PCDHAC1: variants seen among roughly 807,000 people sequenced by gnomAD.
PCDHAC1 encodes the protein protocadherin alpha subfamily C, 1, also known as protocadherin alpha-C1.
PCDHAC1 carries 42 observed loss-of-function variants against 60.0 expected under a neutral mutation model. The ratio of observed to expected loss-of-function variants is 0.70; its 90% CI spans 0.55 to 0.90. The LOEUF (loss-of-function observed/expected upper bound fraction) is 0.90. Ranked by LOEUF, PCDHAC1 falls within the 40% of genes least tolerant of loss-of-function variation. PCDHAC1 has a pLI of 0.00. For synonymous variants in PCDHAC1, 468 were observed against 499.3 expected, an observed-to-expected ratio of 0.94 and a Z score of 0.84; for missense variants, 1,160 against 1,222.3, an observed-to-expected ratio of 0.95 and a Z score of 0.76.
At chr5:140,966,172 G>A in intron 1 of PCDHAC1, 1 of 184,672 alleles carries the variant, frequency 5.4e-6, no homozygotes, top group East Asian at 1.4e-4. Context: ...TTTTCCTGGG[G>A]AGCTGATAGC....
At chr5:140,950,073 G>T (rs2094447306) in intron 1 of PCDHAC1, among the ~76,000 whole-genome samples, 1 of 151,672 alleles carries the variant, frequency 6.6e-6, no homozygotes, top group Non-Finnish European at 1.5e-5. Flanking sequence ...CTGTGCCATT[G>T]CTTATGCTAT....
intron 2 of PCDHAC1, among the ~76,000 whole-genome samples, chr5:140,979,895 T>G (rs1460432451): frequency 6.6e-6 from 1 of 152,222 alleles, no homozygotes; most frequent in Non-Finnish European, 1.5e-5. Context: ...TTCACCAAAC[T>G]TAGATCAGTT....
At chr5:140,944,383 C>T (rs1344204416) in intron 1 of PCDHAC1, among the ~76,000 whole-genome samples, 1 of 152,084 alleles carries the variant, frequency 6.6e-6, no homozygotes, top group African/African-American at 2.4e-5. Context: ...GATGGAGTCT[C>T]ACTGTGTTAT....
At chr5:141,006,073 T>G (rs2098254106) in intron 3 of PCDHAC1, among the ~76,000 whole-genome samples, 1 of 151,712 alleles carries the variant, frequency 6.6e-6, no homozygotes, top group Non-Finnish European at 1.5e-5. Context: ...AAAAATCAGA[T>G]TATTGAAGGG....
intron 1 of PCDHAC1, among the ~76,000 whole-genome samples, chr5:140,947,497 T>A (rs1289449406): frequency 6.6e-6 from 1 of 151,724 alleles, no homozygotes; most frequent in Non-Finnish European, 1.5e-5. Flanking sequence ...ATAGGTCATT[T>A]AAATTTTCAT....
intron 1 of PCDHAC1, chr5:140,968,445 G>C (rs782157846): frequency 1.2e-6 from 2 of 1,613,954 alleles, no homozygotes; most frequent in African/African-American, 2.7e-5. Context: ...CCACCACTGA[G>C]CAGCACTGTG....
At chr5:141,009,374 G>A (rs567366098) in intron 3 of PCDHAC1, among the ~76,000 whole-genome samples, 2 of 152,334 alleles carry the variant, frequency 1.3e-5, no homozygotes, top group African/African-American at 2.4e-5. Context: ...TGGGAGGATT[G>A]ATTGAGCACA....
chr5:141,008,530 A>G (rs1176119695), intron 3 of PCDHAC1, among the ~76,000 whole-genome samples: 2 of 152,128 alleles, frequency 1.3e-5, no homozygotes, highest in African/African-American at 4.8e-5. Context: ...ACTCTTGGGA[A>G]TGTCTTTTAT....
chr5:140,967,257 G>A (rs782706939), intron 1 of PCDHAC1: 2 of 1,613,486 alleles, frequency 1.2e-6, no homozygotes, highest in East Asian at 2.2e-5. Flanking sequence ...GTGGCGCCTG[G>A]AGCGCGCTTT....
Position 140,926,879 on chromosome 5 carries a change from C to G in PCDHAC1, c.-14C>G. ...GTGTAGCGTGTTGGTGGAACGTGGA[C>G]GCCTAGAGGGAGGATGGTGGGCTGT... On this transcript the variant is annotated 5_prime_UTR_variant, in exon 1 of 4. Transcript: ENST00000253807. 6.5e-7 allele frequency: 1 copy of G among 1,534,480 alleles called. No individual in the cohort carries two copies. The highest frequency in any genetic ancestry group is 8.8e-7 in the Non-Finnish European group (1 of 1,139,738).
chr5:140,956,009 C>G (rs1479377959), intron 1 of PCDHAC1, among the ~76,000 whole-genome samples: 1 of 152,192 alleles, frequency 6.6e-6, no homozygotes, highest in Non-Finnish European at 1.5e-5. Context: ...TATCCTGAGA[C>G]TTTGCTGAAG....
chr5:140,941,256 T>TTTC (rs2092982969), intron 1 of PCDHAC1, among the ~76,000 whole-genome samples: 1 of 45,974 alleles, frequency 2.2e-5, no homozygotes, highest in African/African-American at 7.5e-5. Flanking sequence ...TCTTTCTTTC[T>TTTC]CTTTCTTTCT....
At chr5:140,993,616 C>A (rs1554253872) in intron 3 of PCDHAC1, among the ~76,000 whole-genome samples, 2 of 151,688 alleles carry the variant, frequency 1.3e-5, no homozygotes, top group Admixed American at 6.6e-5. Context: ...TTGTTGGGAC[C>A]CTCTATATAT....
chr5:140,942,157 T>C (rs2093241169), intron 1 of PCDHAC1, among the ~76,000 whole-genome samples: 1 of 152,236 alleles, frequency 6.6e-6, no homozygotes, highest in Non-Finnish European at 1.5e-5. Context: ...TAAAACAGCT[T>C]CCATATTTCT....
chr5:140,999,338 G>T (rs1451765927), intron 3 of PCDHAC1, among the ~76,000 whole-genome samples: 2 of 152,126 alleles, frequency 1.3e-5, no homozygotes, highest in African/African-American at 2.4e-5. Context: ...TGATTTATAA[G>T]CCTTGTCTCT....
In PCDHAC1 at chr5:140,968,189, T is replaced by G. The variant is rs181004208; in HGVS notation, c.2434-10760T>G. The G allele has an allele frequency of 2.2e-5, 35 of 1,614,034 alleles. No individual in the cohort carries two copies. The Admixed American group carries it at 4.2e-4, about 19-fold the overall frequency. On this transcript the variant is annotated intron_variant, in intron 1 of 3. Coordinates refer to ENST00000253807, the MANE Select transcript of PCDHAC1 (RefSeq NM_018898.5). ...ACCAAGCTTCCTGGAGGACTCCTAT[T>G]CCATCTACATACAGGAGAACAATTT... is the stretch of plus-strand genomic sequence containing the variant.
chr5:140,966,374 C>G (rs2095995934), intron 1 of PCDHAC1: 1 of 405,056 alleles, frequency 2.5e-6, no homozygotes, highest in South Asian at 1.3e-4. Flanking sequence ...GCTGAGCAGT[C>G]CGGGTTCGCT....
intron 3 of PCDHAC1, among the ~76,000 whole-genome samples, chr5:140,999,140 G>A (rs1473682487): frequency 6.6e-6 from 1 of 152,164 alleles, no homozygotes; most frequent in African/African-American, 2.4e-5. Context: ...TGTCACAGCC[G>A]GAAGTCTTCA....
chr5:141,002,039 C>G (rs1198304632), intron 3 of PCDHAC1, among the ~76,000 whole-genome samples: 1 of 152,216 alleles, frequency 6.6e-6, no homozygotes, highest in Non-Finnish European at 1.5e-5. Flanking sequence ...TGACTCTTTC[C>G]TGGGCATCCA....
Sources: allele counts gnomAD v4.1 joint callset (sites outside exome capture counted in the v4.1 genomes callset), GRCh38; gene constraint gnomAD v4.1.1; transcripts MANE v1.5; gene names NCBI Gene and HGNC (gene_info 2026-07-23, HGNC 2026-07-21).